Variants in RSPH14 observed in about 807,000 individuals in gnomAD.
The protein encoded by RSPH14 is radial spoke head 14 homolog.
RSPH14 carries 20 observed loss-of-function variants against 26.7 expected under a neutral mutation model. That is an observed-to-expected ratio of 0.75 (90% CI 0.53 to 1.09). The LOEUF is 1.09. RSPH14 is among the 50% of genes least tolerant of loss of function. RSPH14 has a pLI of 0.00. For synonymous variants in RSPH14, 177 were observed against 189.3 expected (o/e 0.93, Z 0.53); for missense variants, 449 against 457.2 (o/e 0.98, Z 0.16).
At chr22:23,130,147 GAAAGAAAGAAAGAA>G (rs2070312647) in intron 4 of RSPH14, among the ~76,000 whole-genome samples, 5 of 120,684 alleles carry the variant, frequency 4.1e-5, no homozygotes, top group Admixed American at 8.4e-5. Context: ...AAGAAAGAAA[GAAAGAAAGAAAGAA>G]AAAGAAAAAG....
the RSPH14 span, chr22:23,155,919 G>A: frequency 6.5e-7 from 1 of 1,537,370 alleles, no homozygotes; most frequent in East Asian, 2.4e-5. Flanking sequence ...AAGACACTGT[G>A]ATTGTGTAGC....
intron 4 of RSPH14, among the ~76,000 whole-genome samples, chr22:23,088,917 A>T (rs1270659653): frequency 1.3e-5 from 2 of 152,228 alleles, no homozygotes; most frequent in African/African-American, 4.8e-5. Context: ...ATTGGGCCTC[A>T]GGCATGACTG....
intron 4 of RSPH14, among the ~76,000 whole-genome samples, chr22:23,118,467 T>G (rs1034604069): frequency 4.0e-5 from 6 of 150,772 alleles, no homozygotes; most frequent in African/African-American, 1.5e-4. Flanking sequence ...GCCTCCCTCT[T>G]CCCCGCCCCG....
intron 4 of RSPH14, among the ~76,000 whole-genome samples, chr22:23,130,092 A>G (rs796218838): frequency 7.2e-3 from 239 of 33,196 alleles, no homozygotes; most frequent in African/African-American, 0.019. Context: ...AGGAAGAAAG[A>G]AAGAAAGAAA....
chr22:23,154,055 C>T, the RSPH14 span, among the ~76,000 whole-genome samples: 1 of 151,988 alleles, frequency 6.6e-6, no homozygotes, highest in Non-Finnish European at 1.5e-5. Flanking sequence ...CTGGCCTTAC[C>T]CCTTCCCTCT....
intron 4 of RSPH14, among the ~76,000 whole-genome samples, chr22:23,104,698 G>A (rs1407154747): frequency 1.3e-5 from 2 of 152,152 alleles, no homozygotes; most frequent in African/African-American, 4.8e-5. Flanking sequence ...GGGATCCCTA[G>A]TAACCAGTGT....
chr22:23,119,520 TCAGCACCACACTGC>T (rs920344287), intron 4 of RSPH14, among the ~76,000 whole-genome samples: 28 of 152,318 alleles, frequency 1.8e-4, no homozygotes, highest in African/African-American at 6.5e-4. Context: ...TGCTGGTCCA[TCAGCACCACACTGC>T]CAGCACCACA....
intron 4 of RSPH14, among the ~76,000 whole-genome samples, chr22:23,130,083 GGAAGAAAGAAAGAAAGAAAGAAAGA>G (rs2070290809): frequency 2.3e-3 from 66 of 29,128 alleles, no homozygotes; most frequent in African/African-American, 9.7e-3. Flanking sequence ...AAGAAAGAAA[GGAAGAAAGAAAGAAAGAAAGAAAGA>G]AAGAAAGAAA....
intron 4 of RSPH14, among the ~76,000 whole-genome samples, chr22:23,090,302 C>G (rs2068934681): frequency 6.6e-6 from 1 of 152,228 alleles, no homozygotes; most frequent in South Asian, 2.1e-4. Flanking sequence ...CTGTTCCCAC[C>G]CAGCCGCCAC....
chr22:23,153,180 C>T, the RSPH14 span: 1 of 1,429,740 alleles, frequency 7.0e-7, no homozygotes, highest in African/African-American at 1.4e-5. Flanking sequence ...TTCCTACAGG[C>T]ACCTGAGAAA....
chr22:23,060,279 G>A (rs1348788453), intron 6 of RSPH14, among the ~76,000 whole-genome samples: 3 of 152,066 alleles, frequency 2.0e-5, no homozygotes, highest in Non-Finnish European at 4.4e-5. Context: ...TGACCATCCT[G>A]GCTAACACAG....
At chr22:23,135,833 C>A (rs1158919556) in intron 3 of RSPH14, among the ~76,000 whole-genome samples, 1 of 152,038 alleles carries the variant, frequency 6.6e-6, no homozygotes, top group Non-Finnish European at 1.5e-5. Context: ...GACTGCTGGG[C>A]CTGAATGCAT....
the RSPH14 span, chr22:23,153,588 G>A: frequency 4.1e-6 from 4 of 984,560 alleles, no homozygotes; most frequent in African/African-American, 7.0e-5. Flanking sequence ...CTGAGATGGA[G>A]TACACAGCAC....
At chr22:23,093,555 G>A (rs765477469) in intron 4 of RSPH14, among the ~76,000 whole-genome samples, 8 of 152,288 alleles carry the variant, frequency 5.3e-5, no homozygotes, top group Middle Eastern at 3.4e-3. Context: ...GCAAGGTGAC[G>A]CTCACAGCGA....
chr22:23,166,136 A>G, the RSPH14 span, among the ~76,000 whole-genome samples: 1 of 110,640 alleles, frequency 9.0e-6, no homozygotes, highest in East Asian at 3.1e-4. Context: ...ACGGAGTGAG[A>G]CTCTGTCTTT....
intron 1 of RSPH14, among the ~76,000 whole-genome samples, chr22:23,141,498 G>C (rs757444196): frequency 6.6e-6 from 1 of 152,130 alleles, no homozygotes; most frequent in Non-Finnish European, 1.5e-5. Context: ...CTTCAAAGGG[G>C]AGATGATAAC....
the RSPH14 span, chr22:23,159,171 C>T: frequency 5.0e-6 from 8 of 1,611,248 alleles, no homozygotes; most frequent in African/African-American, 1.3e-5. Flanking sequence ...AGTCAGGGGC[C>T]GCATGTGAGC....
chr22:23,159,050 G>A, the RSPH14 span: 1 of 1,586,134 alleles, frequency 6.3e-7, no homozygotes, highest in South Asian at 1.1e-5. Flanking sequence ...CTCATTGGAG[G>A]AGCCATGGGG....
At chr22:23,076,406 C>T (rs1310321116) in intron 4 of RSPH14, among the ~76,000 whole-genome samples, 2 of 152,208 alleles carry the variant, frequency 1.3e-5, no homozygotes, top group Non-Finnish European at 2.9e-5. Flanking sequence ...CCCTTTTGCC[C>T]TAGGGCTGAG....
Sources: gnomAD v4.1 joint callset for allele counts (sites outside exome capture counted in the v4.1 genomes callset) on GRCh38, gnomAD v4.1.1 for gene constraint, MANE v1.5 for transcripts, NCBI Gene and HGNC (gene_info 2026-07-23, HGNC 2026-07-21) for gene names.